The following ADAMTSL1 variants were observed in gnomAD, a reference collection of about 807,000 sequenced individuals.
ADAMTSL1 encodes the protein ADAMTS like 1.
In ADAMTSL1, 126 loss-of-function variants were observed where a neutral mutation model predicts 201.8. The observed-to-expected ratio is 0.62, with a 90% CI of 0.54 to 0.72. The LOEUF is 0.72. Ranked by LOEUF, ADAMTSL1 falls within the 30% of genes least tolerant of loss-of-function variation. The probability of loss-of-function intolerance (pLI) is 0.00; values close to 1 mark genes in which losing one functional copy is unlikely to be tolerated. For missense variants in ADAMTSL1, 2,679 were observed against 2,277.8 expected (o/e 1.18, Z -3.59); for synonymous variants, 1,121 against 903.4 (o/e 1.24, Z -4.32).
Position 17,935,134 on chromosome 9 carries a change from A to G in ADAMTSL1, c.87+28212A>G, listed in dbSNP as rs146414208. On this transcript the variant is annotated intron_variant, in intron 1 of 29. Transcript: ENST00000680146. ...GCCATCAGCAGCCTTCATATTATTAATATTACCAAATCCAGTGGACAGCTC... is the reference window on the plus strand; with the variant it reads ...GCCATCAGCAGCCTTCATATTATTAGTATTACCAAATCCAGTGGACAGCTC... Among the ~76,000 whole-genome samples, 180 of 152,126 alleles carry G rather than the reference A, an allele frequency of 1.2e-3. 2 individuals carry two copies. The highest frequency in any genetic ancestry group is 5.2e-3 in the South Asian group (25 of 4,812).
At chr9:18,140,351 T>G (rs1220098564) in intron 1 of ADAMTSL1, among the ~76,000 whole-genome samples, 1 of 152,106 alleles carries the variant, frequency 6.6e-6, no homozygotes, top group Non-Finnish European at 1.5e-5. Context: ...ATGGCTATGA[T>G]ACAAAGTAAG....
chr9:18,183,816 C>T (rs1480398061), intron 2 of ADAMTSL1, among the ~76,000 whole-genome samples: 3 of 152,292 alleles, frequency 2.0e-5, no homozygotes, highest in Middle Eastern at 3.4e-3. Flanking sequence ...CTTTACTATT[C>T]TAATTACAGC....
chr9:18,691,951 A>C (rs1831246997), intron 13 of ADAMTSL1, among the ~76,000 whole-genome samples: 1 of 152,212 alleles, frequency 6.6e-6, no homozygotes, highest in Admixed American at 6.5e-5. Flanking sequence ...TAAGATGTCT[A>C]ATAACCACTT....
chr9:18,744,208 G>C (rs984023462), intron 15 of ADAMTSL1, among the ~76,000 whole-genome samples: 2 of 152,188 alleles, frequency 1.3e-5, no homozygotes, highest in African/African-American at 4.8e-5. Context: ...CAGTCCTCAT[G>C]GTTTAGCCAA....
At chr9:18,785,338 A>G (rs953803807) in intron 19 of ADAMTSL1, among the ~76,000 whole-genome samples, 6 of 152,226 alleles carry the variant, frequency 3.9e-5, no homozygotes, top group Non-Finnish European at 8.8e-5. Flanking sequence ...ATTCTAGCCA[A>G]CTGGCTTCCA....
At chr9:18,478,320 G>T (rs1459628719) in intron 1 of ADAMTSL1, among the ~76,000 whole-genome samples, 3 of 152,022 alleles carry the variant, frequency 2.0e-5, no homozygotes, top group Non-Finnish European at 2.9e-5. Context: ...TGGTGTTTTG[G>T]TTCTCCCCTT....
intron 23 of ADAMTSL1, among the ~76,000 whole-genome samples, chr9:18,850,390 G>A (rs959761928): frequency 6.6e-6 from 1 of 152,202 alleles, no homozygotes; most frequent in South Asian, 2.1e-4. Flanking sequence ...ATCTACTCTT[G>A]CTCTGTGCCC....
intron 2 of ADAMTSL1, among the ~76,000 whole-genome samples, chr9:18,442,805 G>C (rs1395143521): frequency 1.3e-5 from 2 of 152,206 alleles, no homozygotes; most frequent in East Asian, 3.8e-4. Flanking sequence ...GTAAAAGGGA[G>C]CGCCACCTAG....
intron 1 of ADAMTSL1, among the ~76,000 whole-genome samples, chr9:17,944,138 A>G (rs1827356002): frequency 1.3e-5 from 2 of 152,006 alleles, no homozygotes; most frequent in Non-Finnish European, 2.9e-5. Context: ...TTATATCAGT[A>G]TCCTTTAGAA....
At chr9:18,794,738 A>G (rs1822288986) in intron 19 of ADAMTSL1, among the ~76,000 whole-genome samples, 1 of 151,812 alleles carries the variant, frequency 6.6e-6, no homozygotes, top group South Asian at 2.1e-4. Flanking sequence ...CGTTCAAGTG[A>G]TTCTCTCACC....
intron 1 of ADAMTSL1, among the ~76,000 whole-genome samples, chr9:18,080,258 A>AT (rs562210935): frequency 2.4e-4 from 37 of 152,326 alleles, no homozygotes; most frequent in African/African-American, 8.9e-4. Context: ...CCAAAGACAT[A>AT]TAAGGTAGAG....
At chr9:17,960,693 T>C (rs1817714211) in intron 1 of ADAMTSL1, among the ~76,000 whole-genome samples, 1 of 152,240 alleles carries the variant, frequency 6.6e-6, no homozygotes, top group Non-Finnish European at 1.5e-5. Flanking sequence ...TGTTCTTTTC[T>C]CACTATTCCT....
At chr9:18,173,653 G>A (rs1443903492) in intron 2 of ADAMTSL1, among the ~76,000 whole-genome samples, 1 of 152,052 alleles carries the variant, frequency 6.6e-6, no homozygotes, top group Non-Finnish European at 1.5e-5. Context: ...GACATTGGAA[G>A]TAATAAAATG....
chr9:18,108,163 A>G (rs1001807131), intron 1 of ADAMTSL1, among the ~76,000 whole-genome samples: 3 of 149,432 alleles, frequency 2.0e-5, no homozygotes, highest in Non-Finnish European at 4.5e-5. Flanking sequence ...AGCAAAAAGT[A>G]TTCACGTTAA....
intron 1 of ADAMTSL1, among the ~76,000 whole-genome samples, chr9:17,926,713 ATC>A (rs1826550913): frequency 6.6e-6 from 1 of 152,190 alleles, no homozygotes; most frequent in Admixed American, 6.5e-5. Context: ...AATCCAGAAT[ATC>A]CCCTTTCTTG....
intron 23 of ADAMTSL1, among the ~76,000 whole-genome samples, chr9:18,854,190 TGTCTTCTAG>T (rs1826698971): frequency 6.6e-6 from 1 of 152,180 alleles, no homozygotes; most frequent in Admixed American, 6.5e-5. Context: ...AATATCTTTT[TGTCTTCTAG>T]ACAAGAGTTT....
At chr9:18,865,632 G>A (rs1827481091) in intron 23 of ADAMTSL1, among the ~76,000 whole-genome samples, 2 of 152,162 alleles carry the variant, frequency 1.3e-5, no homozygotes, top group Non-Finnish European at 2.9e-5. Flanking sequence ...ACTAGGGAGA[G>A]GAAATCTTAC....
intron 1 of ADAMTSL1, among the ~76,000 whole-genome samples, chr9:17,985,086 C>T (rs1043375253): frequency 1.3e-5 from 2 of 152,072 alleles, no homozygotes; most frequent in African/African-American, 4.8e-5. Context: ...TTAGTTCTTC[C>T]AAGTACCGTC....
Position 18,661,947 on chromosome 9 carries a change from C to T in ADAMTSL1, c.959C>T (p.Thr320Ile). Residue 320 changes from threonine (T) to isoleucine (I), a missense_variant, in exon 9 of 29, where the codon ACA becomes ATA. Physicochemically the swap from Thr to Ile is moderately conservative, Grantham distance 89 (BLOSUM62 -1). Transcript: ENST00000380548. ...SATCGGGYQL[T>I]SAECYDLRSN... ...TTTGATACTACAGGTTATCAGCTGA[C>T]ATCGGCTGAGTGCTACGATCTGAGG... is the stretch of plus-strand genomic sequence containing the variant. 6.2e-7 allele frequency: 1 copy of T among 1,613,328 alleles called. No individual in the cohort carries two copies. Among genetic ancestry groups the T allele is most frequent in the Non-Finnish European group, 8.5e-7 (1 of 1,179,678 alleles).
Sources: gnomAD v4.1 joint callset for allele counts (sites outside exome capture counted in the v4.1 genomes callset) on GRCh38, gnomAD v4.1.1 for gene constraint, MANE v1.5 for transcripts, NCBI Gene and HGNC (gene_info 2026-07-23, HGNC 2026-07-21) for gene names.